GSTA1: variants seen among roughly 807,000 people sequenced by gnomAD.
GSTA1 encodes glutathione S-transferase alpha 1.
GSTA1 carries 23 observed loss-of-function variants against 21.5 expected under a neutral mutation model. The ratio of observed to expected loss-of-function variants is 1.07; its 90% CI spans 0.77 to 1.52. GSTA1 has a LOEUF of 1.52. Ranked by LOEUF, GSTA1 falls within the 40% of genes most tolerant of loss-of-function variation. The pLI, the probability that GSTA1 is intolerant of heterozygous loss-of-function variation, is 0.00. For synonymous variants in GSTA1, 125 were observed against 90.0 expected, an observed-to-expected ratio of 1.39 and a Z score of -2.20; for missense variants, 301 against 264.2, an observed-to-expected ratio of 1.14 and a Z score of -0.96.
intron 4 of GSTA1, 71 bp downstream of exon 4, chr6:52,796,111 C>T (rs1561912323): frequency 1.2e-6 from 2 of 1,606,888 alleles, no homozygotes; most frequent in Non-Finnish European, 8.5e-7. Context: ...TGCCATCGTC[C>T]CACCCACTCA....
chr6:52,792,253 T>C (rs1475499445), intron 6 of GSTA1, among the ~76,000 whole-genome samples: 2 of 152,216 alleles, frequency 1.3e-5, no homozygotes, highest in African/African-American at 2.4e-5. Context: ...TAGTGACTCT[T>C]GTATAAGACA....
chr6:52,800,974 C>G (rs1430486398), intron 1 of GSTA1, among the ~76,000 whole-genome samples: 2 of 152,134 alleles, frequency 1.3e-5, no homozygotes, highest in Non-Finnish European at 2.9e-5. Context: ...CTCAGCTTCC[C>G]AGGTTCTAGT....
intron 5 of GSTA1, among the ~76,000 whole-genome samples, 181 bp downstream of exon 5, chr6:52,793,944 A>C (rs1448190633): frequency 2.6e-5 from 4 of 152,204 alleles, no homozygotes; most frequent in Admixed American, 6.5e-5. Flanking sequence ...TAGCTTGGGT[A>C]TAAATGATAC....
At chr6:52,799,735 C>T (rs1208590606) in intron 1 of GSTA1, among the ~76,000 whole-genome samples, 3 of 152,110 alleles carry the variant, frequency 2.0e-5, no homozygotes, top group Non-Finnish European at 2.9e-5. Context: ...AATGGAACAT[C>T]AGAGAAATAC....
At chr6:52,793,135 G>A in intron 5 of GSTA1, 148 bp from the exon 6 acceptor site, 1 of 1,112,870 alleles carries the variant, frequency 9.0e-7, no homozygotes. Context: ...CACATTATCT[G>A]AATGAATGAG....
chr6:52,801,837 C>T (rs1407008522), intron 1 of GSTA1, among the ~76,000 whole-genome samples: 1 of 152,154 alleles, frequency 6.6e-6, no homozygotes, highest in Non-Finnish European at 1.5e-5. Context: ...TAAAGATGGG[C>T]ACACTGAGTT....
chr6:52,794,961 GATGC>G (rs754553653), intron 4 of GSTA1, among the ~76,000 whole-genome samples: 1 of 152,118 alleles, frequency 6.6e-6, no homozygotes, highest in African/African-American at 2.4e-5. Context: ...GAACTTTATT[GATGC>G]ATATTCACAT....
intron 6 of GSTA1, 134 bp from the exon 7 acceptor site, chr6:52,792,114 C>G (rs1581791574): frequency 2.4e-6 from 3 of 1,251,658 alleles, no homozygotes; most frequent in East Asian, 4.7e-5. Flanking sequence ...GAGGCAGAAA[C>G]AGACACCCAG....
chr6:52,792,404 A>G (rs1469449728), intron 6 of GSTA1, among the ~76,000 whole-genome samples: 1 of 152,158 alleles, frequency 6.6e-6, no homozygotes, highest in African/African-American at 2.4e-5. Context: ...TCAGTGAGAG[A>G]TACAGTGTGG....
intron 4 of GSTA1, among the ~76,000 whole-genome samples, chr6:52,795,345 T>C (rs1561911936): frequency 6.6e-6 from 1 of 152,234 alleles, no homozygotes; most frequent in East Asian, 1.9e-4. Context: ...CTAAGGCACA[T>C]TTTTCTCCTT....
intron 3 of GSTA1, among the ~76,000 whole-genome samples, chr6:52,796,596 T>G (rs1292802782): frequency 2.9e-5 from 4 of 137,638 alleles, no homozygotes; most frequent in African/African-American, 1.1e-4. Flanking sequence ...CAGGCTGGAG[T>G]GGAGTGGCAT....
rs370720699 is a variant in GSTA1 at position 52,791,954 on chromosome 6, C to G, written c.573G>C (p.Leu191=). 38 of 1,613,960 alleles carry G rather than the reference C, an allele frequency of 2.4e-5. No individual in the cohort carries two copies. The African/African-American group carries it at 4.9e-4, about 21-fold the overall frequency. ...GCTGTAGAAACTTCTTCACTGTGGGCAGGTTGCTGATTCTGGTTTTCAGGG... is the reference window on the plus strand; with the variant it reads ...GCTGTAGAAACTTCTTCACTGTGGGGAGGTTGCTGATTCTGGTTTTCAGGG... ...LKALKTRISN[L]PTVKKFLQPG... Residue 191 remains leucine (L), a synonymous_variant, in exon 7 of 7, where the codon CTG becomes CTC. Transcript: ENST00000334575.
intron 4 of GSTA1, among the ~76,000 whole-genome samples, chr6:52,794,756 T>C (rs1763537757): frequency 6.6e-6 from 1 of 152,226 alleles, no homozygotes; most frequent in Non-Finnish European, 1.5e-5. Context: ...TATTTGCAGT[T>C]CTTTCAATTA....
At position 52,796,296 on chromosome 6, in the gene GSTA1, T is replaced by G; in HGVS notation, c.158A>C (p.Gln53Pro). 1.2e-6 allele frequency: 2 copies of G among 1,613,704 alleles called. No homozygotes were observed. Among genetic ancestry groups the G allele is most frequent in the South Asian group, 2.2e-5 (2 of 91,048 alleles). Residue 53 changes from glutamine (Q) to proline (P), a missense_variant, in exon 4 of 7, where the codon CAG (glutamine) becomes CCG (proline). Coordinates refer to ENST00000334575, the MANE Select transcript of GSTA1 (RefSeq NM_145740.5). Reference protein sequence around the residue: ...KLRNDGYLMFQQVPMVEIDGM... With the variant: ...KLRNDGYLMFPQVPMVEIDGM... ...ATCAATCTCAACCATTGGCACTTGC[T>G]GGAACATCAAATATCCATCTTTAGA...
intron 3 of GSTA1, among the ~76,000 whole-genome samples, chr6:52,796,545 T>TATA (rs1386874190): frequency 1.3e-3 from 28 of 20,980 alleles, no homozygotes; most frequent in East Asian, 2.4e-3. Flanking sequence ...ATATATATAT[T>TATA]TTTTTTTTTT....
chr6:52,793,049 T>G, intron 5 of GSTA1, 62 bp from the exon 6 acceptor site: 3 of 1,610,942 alleles, frequency 1.9e-6, no homozygotes, highest in Non-Finnish European at 1.7e-6. Context: ...CCCCTGCTTC[T>G]TTCGGAGCCT....
intron 1 of GSTA1, among the ~76,000 whole-genome samples, chr6:52,802,547 T>C (rs1303806710): frequency 6.6e-6 from 1 of 152,232 alleles, no homozygotes; most frequent in Non-Finnish European, 1.5e-5. Context: ...GGTGAGTCTC[T>C]GGACATATTG....
intron 1 of GSTA1, among the ~76,000 whole-genome samples, chr6:52,801,391 T>C (rs1307440962): frequency 1.3e-5 from 2 of 152,180 alleles, no homozygotes; most frequent in African/African-American, 4.8e-5. Context: ...TAAAGTAACT[T>C]GGGAAATGGA....
rs1346498608 is a variant in GSTA1 at position 52,803,780 on chromosome 6, CT to C, written c.-31+4del. 2.7e-5 allele frequency: 5 copies of C among 183,510 alleles called. No homozygotes were observed. In the East Asian group the frequency reaches 4.5e-4, roughly 17 times the overall value. The allele number at this position is 183,510 out of a possible 1,614,324, so 11.4% of individuals were successfully genotyped here. A position where few individuals can be genotyped will look rare whatever the true frequency, so the allele number is the denominator to read the frequency against. Reference sequence around the variant, plus strand: ...TGTAGAGAAATTTATAAGATCAGTACTTACTTTGTTAAACGCTGTCACCGTC... The same window carrying C: ...TGTAGAGAAATTTATAAGATCAGTACTACTTTGTTAAACGCTGTCACCGTC... On this transcript the variant is annotated splice_donor_region_variant and intron_variant, in intron 1 of 6. Coordinates refer to ENST00000334575, the MANE Select transcript of GSTA1 (RefSeq NM_145740.5).
Sources: allele counts gnomAD v4.1 joint callset (sites outside exome capture counted in the v4.1 genomes callset), GRCh38; gene constraint gnomAD v4.1.1; transcripts MANE v1.5; gene names NCBI Gene and HGNC (gene_info 2026-07-23, HGNC 2026-07-21).